The following PTCD2 variants were observed in gnomAD, a reference collection of about 807,000 sequenced individuals.
PTCD2 encodes the protein pentatricopeptide repeat domain 2.
A neutral mutation model predicts 42.6 loss-of-function variants in PTCD2; 31 were observed. The ratio of observed to expected loss-of-function variants is 0.73; its 90% CI spans 0.55 to 0.98. The LOEUF is 0.98. PTCD2 is among the 50% of genes least tolerant of loss of function. PTCD2 has a pLI of 0.00. For synonymous variants in PTCD2, 183 were observed against 170.9 expected (o/e 1.07, Z -0.55); for missense variants, 476 against 454.8 (o/e 1.05, Z -0.42).
intron 3 of PTCD2, among the ~76,000 whole-genome samples, chr5:72,327,172 G>GGT (rs1751188280): frequency 1.3e-5 from 2 of 152,128 alleles, no homozygotes; most frequent in African/African-American, 4.8e-5. Context: ...CTACTTCCTT[G>GGT]GTATCTCCCT....
At position 72,367,363 on chromosome 5, in the gene PTCD2, T is replaced by C. The variant is rs1327205923; in HGVS notation, c.*8936T>C. On this transcript the variant is annotated 3_prime_UTR_variant, in exon 10 of 10. Coordinates refer to ENST00000380639, the MANE Select transcript of PTCD2 (RefSeq NM_024754.5). ...GACAGATGCCCTTGTTCAAGATGAC[T>C]TCTTCATGGGCATCGATAGATACAT... 1 of 152,224 alleles carries C rather than the reference T, an allele frequency of 6.6e-6. No individual in the cohort carries two copies. The highest frequency in any genetic ancestry group is 2.4e-5 in the African/African-American group (1 of 41,460). The allele number at this position is 152,224 out of a possible 1,614,324, so 9.4% of individuals were successfully genotyped here.
chr5:72,343,076 G>A (rs757779428), intron 8 of PTCD2, 40 bp downstream of exon 8: 2 of 1,105,942 alleles, frequency 1.8e-6, no homozygotes, highest in Non-Finnish European at 2.5e-6. Context: ...GCCTTGAAAT[G>A]TATTATAATA....
At position 72,361,319 on chromosome 5, in the gene PTCD2, A is replaced by G. The variant is rs1358402276; in HGVS notation, c.*2892A>G. 6.6e-6 allele frequency: 1 copy of G among 152,150 alleles called. No homozygotes were observed. The highest frequency in any genetic ancestry group is 1.5e-5 in the Non-Finnish European group (1 of 68,026). 9.4% of individuals were successfully genotyped at this position (152,150 alleles called of 1,614,324 possible). A position where few individuals can be genotyped will look rare whatever the true frequency, so the allele number is the denominator to read the frequency against. On this transcript the variant is annotated 3_prime_UTR_variant, in exon 10 of 10. Transcript: ENST00000380639. ...ACAGTTCTTATTCGGGTTCTCATGC[A>G]GTTATAGTCATCATCAGATTGTGGC...
At chr5:72,327,936 A>C (rs1250218280) in intron 3 of PTCD2, among the ~76,000 whole-genome samples, 1 of 152,236 alleles carries the variant, frequency 6.6e-6, no homozygotes, top group African/African-American at 2.4e-5. Flanking sequence ...TTGTTTATCT[A>C]AATGTATATT....
At chr5:72,344,033 A>G (rs142454625) in intron 8 of PTCD2, among the ~76,000 whole-genome samples, 4 of 152,346 alleles carry the variant, frequency 2.6e-5, no homozygotes, top group African/African-American at 9.6e-5. Context: ...GTCACAATCA[A>G]TGGAGTATTC....
intron 8 of PTCD2, among the ~76,000 whole-genome samples, chr5:72,350,099 C>T (rs1752549186): frequency 6.6e-6 from 1 of 152,180 alleles, no homozygotes; most frequent in African/African-American, 2.4e-5. Flanking sequence ...CTACATAGCA[C>T]TGCATTGAAC....
Position 72,345,438 on chromosome 5 carries a change from G to T in PTCD2, c.828+2402G>T, listed in dbSNP as rs375116520. On this transcript the variant is annotated intron_variant, in intron 8 of 9. Transcript: ENST00000380639. ...TGCAATCATCACAGGGTCCTGAGGC[G>T]ACATACATCCTCCTCAGTTTAAGAA... 2.2e-4 allele frequency among the ~76,000 whole-genome samples: 34 copies of T among 152,240 alleles called. 1 individual carries two copies. In the South Asian group the frequency reaches 7.0e-3, roughly 32 times the overall value.
intron 6 of PTCD2, 70 bp from the exon 7 acceptor site, chr5:72,338,552 G>A (rs1465563493): frequency 2.7e-6 from 2 of 733,382 alleles, no homozygotes; most frequent in Non-Finnish European, 4.5e-6. Context: ...TATAAATACT[G>A]AGCACTATTA....
rs944886081 is a variant in PTCD2 at position 72,365,360 on chromosome 5, A to T, written c.*6933A>T. On this transcript the variant is annotated 3_prime_UTR_variant, in exon 10 of 10. Transcript: ENST00000380639. The stretch of plus-strand genomic sequence containing the variant: ...TTTTTCCTGACTGAATCAGGCCAAG[A>T]TGCTCACCCAGAAGAGCACAGCATC... 1 of 152,178 alleles carries T rather than the reference A, an allele frequency of 6.6e-6. No homozygotes were observed. The highest frequency in any genetic ancestry group is 2.4e-5 in the African/African-American group (1 of 41,428). 9.4% of individuals were successfully genotyped at this position (152,178 alleles called of 1,614,324 possible).
chr5:72,335,740 G>A (rs1166079951), intron 5 of PTCD2, 54 bp from the exon 6 acceptor site: 12 of 1,156,276 alleles, frequency 1.0e-5, no homozygotes, highest in East Asian at 2.3e-5. Context: ...GAGAGCTTTG[G>A]GGGCCAACAG....
chr5:72,323,994 C>T (rs978639151), intron 2 of PTCD2, among the ~76,000 whole-genome samples: 4 of 152,036 alleles, frequency 2.6e-5, no homozygotes, highest in African/African-American at 7.3e-5. Context: ...AATGTTCTCT[C>T]GCTGCTCCGC....
intron 2 of PTCD2, among the ~76,000 whole-genome samples, chr5:72,324,926 G>T (rs887227035): frequency 1.9e-4 from 27 of 145,518 alleles, no homozygotes; most frequent in Non-Finnish European, 7.6e-5. Context: ...TTAAGGTGTT[G>T]TTTTTTTTTT....
At chr5:72,331,490 G>C (rs530758098) in intron 4 of PTCD2, 115 bp downstream of exon 4, 1 of 785,146 alleles carries the variant, frequency 1.3e-6, no homozygotes. Flanking sequence ...AAGGCTGCTG[G>C]GGCTGAATGA....
At chr5:72,326,083 A>G (rs753906883) in intron 2 of PTCD2, among the ~76,000 whole-genome samples, 1 of 152,236 alleles carries the variant, frequency 6.6e-6, no homozygotes, top group African/African-American at 2.4e-5. Context: ...AAGAGGAATG[A>G]AAAAGAGGTG....
At chr5:72,334,189 C>T (rs1288335452) in intron 4 of PTCD2, among the ~76,000 whole-genome samples, 3 of 151,950 alleles carry the variant, frequency 2.0e-5, no homozygotes, top group African/African-American at 7.3e-5. Flanking sequence ...TTTTATTTGT[C>T]AATTAAATAA....
intron 3 of PTCD2, among the ~76,000 whole-genome samples, chr5:72,329,177 T>C (rs1230704971): frequency 1.3e-5 from 2 of 152,258 alleles, no homozygotes; most frequent in Non-Finnish European, 2.9e-5. Context: ...TATGACTTAG[T>C]TCCTTTACTG....
intron 7 of PTCD2, among the ~76,000 whole-genome samples, chr5:72,341,144 G>A (rs1178976375): frequency 3.3e-5 from 5 of 151,766 alleles, no homozygotes; most frequent in South Asian, 2.1e-4. Flanking sequence ...TTTAGTAGGC[G>A]TGTGCCCAGC....
At chr5:72,343,066 G>A in intron 8 of PTCD2, 30 bp downstream of exon 8, 1 of 1,239,244 alleles carries the variant, frequency 8.1e-7, no homozygotes. Flanking sequence ...TTTAAGGTAA[G>A]CCTTGAAATG....
chr5:72,333,877 A>G (rs1010924457), intron 4 of PTCD2, among the ~76,000 whole-genome samples: 9 of 152,114 alleles, frequency 5.9e-5, no homozygotes, highest in Non-Finnish European at 8.8e-5. Context: ...TTTTGGATAC[A>G]GGGTCTTGCT....
Sources: gnomAD v4.1 joint callset for allele counts (sites outside exome capture counted in the v4.1 genomes callset) on GRCh38, gnomAD v4.1.1 for gene constraint, MANE v1.5 for transcripts, NCBI Gene and HGNC (gene_info 2026-07-23, HGNC 2026-07-21) for gene names.